Variants in ULK4 observed in about 807,000 individuals in gnomAD.
ULK4 encodes the protein inactive serine/threonine-protein kinase ULK4.
A neutral mutation model predicts 160.6 loss-of-function variants in ULK4; 133 were observed. That is an observed-to-expected ratio of 0.83 (90% CI 0.72 to 0.96). ULK4 has a LOEUF of 0.96. ULK4 is among the 40% of genes least tolerant of loss of function. The pLI is 0.00. For synonymous variants in ULK4, 534 were observed against 539.8 expected (o/e 0.99, Z 0.15); for missense variants, 1,580 against 1,499.5 (o/e 1.05, Z -0.89).
chr3:41,654,072 C>T (rs1184446242), intron 30 of ULK4, among the ~76,000 whole-genome samples: 1 of 152,128 alleles, frequency 6.6e-6, no homozygotes, highest in East Asian at 1.9e-4. Flanking sequence ...TAAAAGAAAA[C>T]AACGAGAAAA....
chr3:41,954,132 G>A (rs1238941003), intron 2 of ULK4, among the ~76,000 whole-genome samples: 4 of 148,296 alleles, frequency 2.7e-5, no homozygotes, highest in East Asian at 4.0e-4. Context: ...AGCTGAGACC[G>A]TGCCACTGCA....
At chr3:41,615,776 G>T in intron 30 of ULK4, 59 bp from the exon 31 acceptor site, 1 of 1,495,288 alleles carries the variant, frequency 6.7e-7, no homozygotes, top group Non-Finnish European at 9.2e-7. Flanking sequence ...TTGCACTGAT[G>T]GCCTGATATA....
chr3:41,314,995 C>T (rs2080120444), intron 35 of ULK4, among the ~76,000 whole-genome samples: 1 of 152,078 alleles, frequency 6.6e-6, no homozygotes, highest in South Asian at 2.1e-4. Context: ...AAAATTAAAA[C>T]CAAGACATTT....
At chr3:41,838,624 A>C (rs1361382913) in intron 17 of ULK4, among the ~76,000 whole-genome samples, 1 of 152,242 alleles carries the variant, frequency 6.6e-6, no homozygotes, top group Non-Finnish European at 1.5e-5. Context: ...AACAAAAATA[A>C]AATTACAGAC....
intron 31 of ULK4, among the ~76,000 whole-genome samples, chr3:41,597,704 G>A (rs1024760125): frequency 2.6e-5 from 4 of 152,110 alleles, no homozygotes; most frequent in Admixed American, 1.3e-4. Flanking sequence ...ACAGGTAATC[G>A]CTTCTCTTTG....
intron 21 of ULK4, among the ~76,000 whole-genome samples, chr3:41,760,581 A>C (rs2038953823): frequency 6.6e-6 from 1 of 152,214 alleles, no homozygotes; most frequent in African/African-American, 2.4e-5. Context: ...ATGCAAGTGG[A>C]AAATTCCACA....
intron 35 of ULK4, among the ~76,000 whole-genome samples, chr3:41,286,330 G>A (rs1191438887): frequency 6.6e-6 from 1 of 151,866 alleles, no homozygotes; most frequent in Admixed American, 6.6e-5. Context: ...AGCTTTTTTT[G>A]GCCAGAGAGT....
At chr3:41,888,438 C>T (rs1697805174) in intron 16 of ULK4, among the ~76,000 whole-genome samples, 1 of 152,204 alleles carries the variant, frequency 6.6e-6, no homozygotes, top group African/African-American at 2.4e-5. Context: ...ACAAGGGAAT[C>T]CTCTATCTAA....
At chr3:41,775,036 C>T (rs888237496) in intron 21 of ULK4, among the ~76,000 whole-genome samples, 8 of 135,306 alleles carry the variant, frequency 5.9e-5, no homozygotes, top group African/African-American at 2.4e-4. Flanking sequence ...AACACATGGA[C>T]ACAGGAAGGG....
At chr3:41,381,959 C>G (rs1190694768) in intron 35 of ULK4, among the ~76,000 whole-genome samples, 4 of 152,076 alleles carry the variant, frequency 2.6e-5, no homozygotes, top group Admixed American at 2.6e-4. Flanking sequence ...TAGAACATAC[C>G]ATGAATATAC....
chr3:41,908,197 T>C (rs1698648007), intron 11 of ULK4, among the ~76,000 whole-genome samples: 1 of 152,222 alleles, frequency 6.6e-6, no homozygotes, highest in Non-Finnish European at 1.5e-5. Context: ...TTAATTTTTA[T>C]AAATGTCTTC....
intron 31 of ULK4, among the ~76,000 whole-genome samples, chr3:41,598,594 T>C (rs1050520841): frequency 3.3e-5 from 5 of 152,112 alleles, no homozygotes; most frequent in Non-Finnish European, 7.3e-5. Flanking sequence ...ATATCATAAA[T>C]TCTAATCTAA....
At chr3:41,871,578 C>T (rs1383879538) in intron 17 of ULK4, among the ~76,000 whole-genome samples, 1 of 152,180 alleles carries the variant, frequency 6.6e-6, no homozygotes, top group East Asian at 1.9e-4. Context: ...AATTAGTTTG[C>T]TTTTCTCTAA....
At chr3:41,523,385 G>A (rs1361638824) in intron 32 of ULK4, among the ~76,000 whole-genome samples, 3 of 152,200 alleles carry the variant, frequency 2.0e-5, no homozygotes, top group African/African-American at 7.2e-5. Context: ...GACTGAGATT[G>A]TGAGCAGAGT....
chr3:41,484,352 T>C (rs1191132200), intron 32 of ULK4, among the ~76,000 whole-genome samples: 2 of 152,140 alleles, frequency 1.3e-5, no homozygotes, highest in Non-Finnish European at 2.9e-5. Context: ...ATGAAAACTA[T>C]ACTGTTTAAA....
intron 35 of ULK4, among the ~76,000 whole-genome samples, chr3:41,267,028 G>T (rs553850953): frequency 5.7e-5 from 8 of 139,200 alleles, no homozygotes; most frequent in African/African-American, 2.1e-4. Flanking sequence ...TGGGGGGGGG[G>T]GGTTTAAGGC....
chr3:41,710,016 G>A (rs1276325729), intron 25 of ULK4, among the ~76,000 whole-genome samples: 1 of 152,082 alleles, frequency 6.6e-6, no homozygotes, highest in Non-Finnish European at 1.5e-5. Flanking sequence ...TGCTTCCTTT[G>A]GGAACCTGAG....
chr3:41,543,704 T>TC (rs1286555268), intron 32 of ULK4, among the ~76,000 whole-genome samples: 1 of 152,190 alleles, frequency 6.6e-6, no homozygotes, highest in Non-Finnish European at 1.5e-5. Flanking sequence ...ATACATTTTT[T>TC]CATAGTATGC....
intron 17 of ULK4, among the ~76,000 whole-genome samples, chr3:41,883,486 C>T (rs142756250): frequency 4.6e-5 from 7 of 152,184 alleles, no homozygotes; most frequent in East Asian, 3.9e-4. Context: ...ATCTTTCATA[C>T]GAAAACACTA....
Sources: allele counts gnomAD v4.1 joint callset (sites outside exome capture counted in the v4.1 genomes callset), GRCh38; gene constraint gnomAD v4.1.1; transcripts MANE v1.5; gene names NCBI Gene and HGNC (gene_info 2026-07-23, HGNC 2026-07-21).